The following DARS2 variants were observed in gnomAD, a reference collection of about 807,000 sequenced individuals.
The protein encoded by DARS2 is aspartate--tRNA ligase, mitochondrial.
In DARS2, 63 loss-of-function variants were observed where a neutral mutation model predicts 83.0. The ratio of observed to expected loss-of-function variants is 0.76; its 90% CI spans 0.62 to 0.94. The LOEUF is 0.94. DARS2 is among the 40% of genes least tolerant of loss of function. The pLI is 0.00. For synonymous variants in DARS2, 250 were observed against 269.3 expected (o/e 0.93, Z 0.70); for missense variants, 675 against 774.4 (o/e 0.87, Z 1.52).
chr1:173,828,127 G>T (rs1652653127), intron 2 of DARS2, among the ~76,000 whole-genome samples: 1 of 151,458 alleles, frequency 6.6e-6, no homozygotes, highest in African/African-American at 2.4e-5. Flanking sequence ...CTTTTTTTTG[G>T]CAATGAGCTA....
chr1:173,828,296 T>C, intron 2 of DARS2, 37 bp from the exon 3 acceptor site: 1 of 1,600,022 alleles, frequency 6.2e-7, no homozygotes, highest in Non-Finnish European at 8.5e-7. Flanking sequence ...AGAGATTTTA[T>C]CTTAAAATGT....
rs1571987858 is a variant in DARS2, at chr1:173,841,076, A to G, written c.1128+103A>G. 3 of 840,798 alleles carry G rather than the reference A, an allele frequency of 3.6e-6. No individual in the cohort carries two copies. In the Admixed American group the frequency reaches 5.6e-5, roughly 16 times the overall value. The allele number at this position is 840,798 out of a possible 1,614,324, so 52.1% of individuals were successfully genotyped here. ...CTTCAGAAAGAACAATTCTTTTTAA[A>G]TAAAAATAGGGATTTTTGCTGGGCA... On this transcript the variant is annotated intron_variant, in intron 11 of 16. Transcript: ENST00000649689.
At chr1:173,838,291 T>A (rs555657586) in intron 9 of DARS2, 32 bp downstream of exon 9, 1 of 1,541,806 alleles carries the variant, frequency 6.5e-7, no homozygotes, top group African/African-American at 1.4e-5. Flanking sequence ...TTTCTTAAAA[T>A]TCAGGCTTAC....
chr1:173,847,422 T>C (rs1653477707), intron 12 of DARS2, among the ~76,000 whole-genome samples: 2 of 152,146 alleles, frequency 1.3e-5, no homozygotes, highest in Admixed American at 6.6e-5. Flanking sequence ...GGACTATTAT[T>C]ACATTTTCTT....
chr1:173,849,583 T>TGGTTA (rs1331736526), intron 12 of DARS2, among the ~76,000 whole-genome samples: 2 of 148,172 alleles, frequency 1.3e-5, no homozygotes, highest in Non-Finnish European at 3.0e-5. Flanking sequence ...GCTTTGTAAA[T>TGGTTA]GGTTAGGTTT....
At chr1:173,843,293 G>T (rs902809860) in intron 11 of DARS2, among the ~76,000 whole-genome samples, 1 of 152,174 alleles carries the variant, frequency 6.6e-6, no homozygotes, top group Non-Finnish European at 1.5e-5. Context: ...AAGCGTGGTG[G>T]CTCATGCCTG....
Position 173,853,568 on chromosome 1 carries a change from G to T in DARS2, c.1563+1G>T. The T allele has an allele frequency of 5.6e-6, 9 of 1,613,918 alleles. No individual in the cohort carries two copies. The highest frequency in any genetic ancestry group is 6.8e-6 in the Non-Finnish European group (8 of 1,179,950). On this transcript the variant is annotated splice_donor_variant, in intron 14 of 16. Transcript: ENST00000649689. LOFTEE classifies it high-confidence loss of function. ...TCTCCTGTACACTGAGCCCAAAAAGGTACCGTATCTATACTTCCAAATCAA... is the reference window on the plus strand; with the variant it reads ...TCTCCTGTACACTGAGCCCAAAAAGTTACCGTATCTATACTTCCAAATCAA...
chr1:173,837,926 AC>A (rs1352160841), intron 8 of DARS2, among the ~76,000 whole-genome samples: 12 of 151,928 alleles, frequency 7.9e-5, no homozygotes, highest in Admixed American at 7.2e-4. Context: ...GGCGCACGCC[AC>A]CCACGCCCAG....
chr1:173,826,951 A>G (rs886953929), intron 2 of DARS2, among the ~76,000 whole-genome samples, 165 bp downstream of exon 2: 4 of 152,214 alleles, frequency 2.6e-5, no homozygotes, highest in Non-Finnish European at 5.9e-5. Context: ...GAAAGACCCA[A>G]GTGTCATTCT....
At chr1:173,850,511 G>C (rs188278786) in intron 13 of DARS2, 32 bp downstream of exon 13, 1 of 1,603,214 alleles carries the variant, frequency 6.2e-7, no homozygotes, top group African/African-American at 1.3e-5. Context: ...CATCAGTGCT[G>C]TTGATGCTGA....
intron 7 of DARS2, 119 bp downstream of exon 7, chr1:173,834,638 A>C (rs1652908554): frequency 1.6e-6 from 1 of 616,566 alleles, no homozygotes; most frequent in African/African-American, 1.9e-5. Flanking sequence ...GGTCATATTA[A>C]CTAGGTTTTT....
rs1413835608 is a variant in DARS2 at position 173,825,041 on chromosome 1, A to G, written c.-189A>G. ...ATCTCCACCCCAGCAAGCACCCCAG[A>G]GACCTTGGAGATTTGTCTTGTTTCT... is the stretch of plus-strand genomic sequence containing the variant. On this transcript the variant is annotated 5_prime_UTR_variant, in exon 1 of 17. Coordinates refer to ENST00000649689, the MANE Select transcript of DARS2 (RefSeq NM_018122.5). The G allele has an allele frequency of 4.2e-6, 3 of 714,612 alleles. No homozygotes were observed. The East Asian group carries it at 1.0e-4, about 24-fold the overall frequency. The allele number at this position is 714,612 out of a possible 1,614,324, so 44.3% of individuals were successfully genotyped here.
chr1:173,832,608 A>C (rs1652832741), intron 5 of DARS2, among the ~76,000 whole-genome samples: 1 of 151,968 alleles, frequency 6.6e-6, no homozygotes, highest in Non-Finnish European at 1.5e-5. Context: ...GTCTCTACTA[A>C]AAATACAAAA....
Position 173,852,802 on chromosome 1 carries a change from C to T in DARS2, c.1345-547C>T, listed in dbSNP as rs146263365. Reference sequence around the variant, plus strand: ...ACAGGTGTGAGCCACTGCACCCCTCCGCACTCTTAAATGGACCTCTAATCT... The same window carrying T: ...ACAGGTGTGAGCCACTGCACCCCTCTGCACTCTTAAATGGACCTCTAATCT... On this transcript the variant is annotated intron_variant, in intron 13 of 16. Transcript: ENST00000649689. 3.0e-3 allele frequency among the ~76,000 whole-genome samples: 451 copies of T among 152,196 alleles called. 5 individuals carry two copies. The highest frequency in any genetic ancestry group is 4.5e-3 in the Non-Finnish European group (306 of 68,002).
intron 5 of DARS2, among the ~76,000 whole-genome samples, chr1:173,832,118 C>T (rs748891456): frequency 7.2e-5 from 11 of 152,270 alleles, no homozygotes; most frequent in East Asian, 1.9e-4. Flanking sequence ...GAGCTGTACA[C>T]TCATATGATT....
At position 173,830,677 on chromosome 1, in the gene DARS2, G is replaced by T; in HGVS notation, c.312G>T (p.Lys104Asn). ...TTCTGTAGTCGGCAGCCTCTGTGAA[G>T]AAGATTTTATGTGAAGCCCCTGTGG... ...IPQDESAASV[K>N]KILCEAPVES... The change falls in exon 4 of 17, where the codon AAG becomes AAT. Residue 104 changes from lysine to asparagine, a missense_variant. Physicochemically the swap from Lys to Asn is moderately conservative, Grantham distance 94. Coordinates refer to ENST00000649689, the MANE Select transcript of DARS2 (RefSeq NM_018122.5). 1 of 1,613,956 alleles carries T rather than the reference G, an allele frequency of 6.2e-7. No individual in the cohort carries two copies. Among genetic ancestry groups the T allele is most frequent in the Admixed American group, 1.7e-5 (1 of 60,012 alleles).
chr1:173,841,043 T>C (rs1294049013), intron 11 of DARS2, 70 bp downstream of exon 11: 2 of 950,002 alleles, frequency 2.1e-6, no homozygotes, highest in East Asian at 4.8e-5. Context: ...AATACTGTCA[T>C]ATTTAAACTT....
chr1:173,837,092 A>G, intron 8 of DARS2, 46 bp downstream of exon 8: 1 of 1,520,238 alleles, frequency 6.6e-7, no homozygotes, highest in African/African-American at 1.4e-5. Flanking sequence ...GAAAAGAGAA[A>G]AACAAAGGGA....
At chr1:173,850,606 T>A in intron 13 of DARS2, 127 bp downstream of exon 13, 29 of 115,848 alleles carry the variant, frequency 2.5e-4, no homozygotes, top group Non-Finnish European at 2.9e-4. Context: ...TGCATAAATC[T>A]TTTTTTTTTT....
Sources: allele counts gnomAD v4.1 joint callset (sites outside exome capture counted in the v4.1 genomes callset), GRCh38; gene constraint gnomAD v4.1.1; transcripts MANE v1.5; gene names NCBI Gene and HGNC (gene_info 2026-07-23, HGNC 2026-07-21).